Variants in PALB2 observed in about 807,000 individuals in gnomAD.
PALB2 encodes the protein mutant partner and localizer of BRCA2.
In PALB2, 82 loss-of-function variants were observed where a neutral mutation model predicts 107.4. That is an observed-to-expected ratio of 0.76 (90% CI 0.64 to 0.92). The LOEUF (loss-of-function observed/expected upper bound fraction) is 0.92, where lower values mean the gene tolerates loss of function less well. Among genes scored for constraint, PALB2 ranks in the 40% least tolerant of loss-of-function variants. PALB2 has a pLI of 0.00. For synonymous variants in PALB2, 489 were observed against 496.8 expected, an observed-to-expected ratio of 0.98 and a Z score of 0.21; for missense variants, 1,374 against 1,379.9, an observed-to-expected ratio of 1.00 and a Z score of 0.07.
chr16:23,637,014 C>T (rs1430689687), intron 3 of PALB2, among the ~76,000 whole-genome samples: 1 of 152,164 alleles, frequency 6.6e-6, no homozygotes, highest in African/African-American at 2.4e-5. Flanking sequence ...CTTTGGGAGG[C>T]TGAGGCAGGC....
intron 6 of PALB2, among the ~76,000 whole-genome samples, chr16:23,628,735 A>G (rs1208033114): frequency 6.6e-6 from 1 of 152,124 alleles, no homozygotes; most frequent in African/African-American, 2.4e-5. Context: ...TCCCAGTTCA[A>G]GTATTCTCTT....
At position 23,621,334 on chromosome 16, in the gene PALB2, G is replaced by A. The variant is rs145973806; in HGVS notation, c.3113+28C>T. 14 of 1,407,326 alleles carry A rather than the reference G, an allele frequency of 9.9e-6. No homozygotes were observed. The African/African-American group carries it at 1.6e-4, about 16-fold the overall frequency. The allele number at this position is 1,407,326 out of a possible 1,614,324, so 87.2% of individuals were successfully genotyped here. A position where few individuals can be genotyped will look rare whatever the true frequency, so the allele number is the denominator to read the frequency against. On this transcript the variant is annotated intron_variant, in intron 10 of 12. Coordinates refer to ENST00000261584, the MANE Select transcript of PALB2 (RefSeq NM_024675.4). ...GTATATCCTCATACTACAGATGAGG[G>A]AACTGAGGACCTAGAGGGAAAGCTT...
rs775141524 is a variant in PALB2, at chr16:23,636,080, TA to T, written c.465del (p.Phe155LeufsTer22). On this transcript the variant is annotated frameshift_variant, in exon 4 of 13. Coordinates refer to ENST00000261584, the MANE Select transcript of PALB2 (RefSeq NM_024675.4). LOFTEE classifies it high-confidence loss of function. ...AAGACACAGTCTCTCTCCTGTGAAA[TA>T]AATGTCCTCTTCTGCTGCTTCTTTC... ...SRRKKQQKRT[F>X]ISQERDCVFG... 1 of 1,614,064 alleles carries T rather than the reference TA, an allele frequency of 6.2e-7. No homozygotes were observed. Among genetic ancestry groups the T allele is most frequent in the South Asian group, 1.1e-5 (1 of 91,082 alleles).
chr16:23,638,718 T>TA (rs1266238817), intron 1 of PALB2: 3 of 352,198 alleles, frequency 8.5e-6, no homozygotes, highest in East Asian at 8.0e-5. Context: ...TTTTACAAGG[T>TA]AAAAAAATAC....
At chr16:23,631,093 G>A (rs1484932081) in intron 4 of PALB2, among the ~76,000 whole-genome samples, 25 of 140,316 alleles carry the variant, frequency 1.8e-4, no homozygotes, top group Admixed American at 1.2e-3. Flanking sequence ...GTGAAACCCC[G>A]TCTCTACTAA....
intron 9 of PALB2, 125 bp from the exon 10 acceptor site, chr16:23,621,603 A>G (rs1425389492): frequency 1.5e-6 from 1 of 687,652 alleles, no homozygotes; most frequent in African/African-American, 1.8e-5. Flanking sequence ...AATCTAACCC[A>G]GAAAACGTGT....
At position 23,629,768 on chromosome 16, in the gene PALB2, C is replaced by T. The variant is rs180177112; in HGVS notation, c.2386G>A (p.Gly796Arg). 6.2e-7 allele frequency: 1 copy of T among 1,614,192 alleles called. No individual in the cohort carries two copies. The highest frequency in any genetic ancestry group is 1.1e-5 in the South Asian group (1 of 91,078). Residue 796 changes from glycine to arginine, a missense_variant, in exon 5 of 13, where the codon GGA becomes AGA. Coordinates refer to ENST00000261584, the MANE Select transcript of PALB2 (RefSeq NM_024675.4). ...GAGTCACAGTCACAGGTAGGTTGTC[C>T]TTGCCTGCCTGACACTTGCAGGGTG... ...HTTLQVSGRQ[G>R]QPTCDCDSVP...
chr16:23,613,105 G>A (rs567233769), intron 11 of PALB2, among the ~76,000 whole-genome samples: 2 of 151,960 alleles, frequency 1.3e-5, no homozygotes, highest in African/African-American at 4.8e-5. Context: ...AATGATCAAG[G>A]CGGGGTATTT....
chr16:23,629,324 C>A, intron 5 of PALB2, 49 bp from the exon 6 acceptor site: 1 of 1,466,656 alleles, frequency 6.8e-7, no homozygotes. Context: ...TGTATAATGT[C>A]TGCCTGCATT....
chr16:23,608,614 C>T (rs1483136800), intron 11 of PALB2, among the ~76,000 whole-genome samples: 1 of 152,006 alleles, frequency 6.6e-6, no homozygotes, highest in African/African-American at 2.4e-5. Flanking sequence ...TACATGGTGG[C>T]TGGTTTCTCA....
intron 10 of PALB2, among the ~76,000 whole-genome samples, 179 bp from the exon 11 acceptor site, chr16:23,614,270 T>C (rs1966640386): frequency 6.6e-6 from 1 of 152,198 alleles, no homozygotes; most frequent in African/African-American, 2.4e-5. Flanking sequence ...ATTTTGCCAA[T>C]AGTTTCATTT....
At chr16:23,628,240 A>G (rs1966850797) in intron 6 of PALB2, among the ~76,000 whole-genome samples, 1 of 152,204 alleles carries the variant, frequency 6.6e-6, no homozygotes, top group African/African-American at 2.4e-5. Context: ...CAAAAAATAA[A>G]ATAAGTTATT....
At chr16:23,604,787 AT>A (rs766551140) in intron 12 of PALB2, among the ~76,000 whole-genome samples, 7 of 142,100 alleles carry the variant, frequency 4.9e-5, no homozygotes, top group Admixed American at 7.1e-5. Flanking sequence ...ATTAGCTGTT[AT>A]TGTGGCCAGG....
rs1555459577 is a variant in PALB2 at position 23,623,091 on chromosome 16, T to C, written c.2874A>G (p.Gln958=). The C allele has an allele frequency of 6.2e-7, 1 of 1,614,106 alleles. No homozygotes were observed. The part of the protein sequence containing the change: ...FCSSDDESEK[Q]VLLKSGNIKA... ...TTATATTTCCAGACTTCAGTAGTAC[T>C]TGCTTTTCACTTTCATCATCAGAGG... Residue 958 remains glutamine, a synonymous_variant, in exon 9 of 13, where the codon CAA becomes CAG. Transcript: ENST00000261584.
intron 4 of PALB2, among the ~76,000 whole-genome samples, chr16:23,633,058 C>T (rs115772601): frequency 3.3e-5 from 5 of 152,282 alleles, no homozygotes; most frequent in African/African-American, 1.2e-4. Flanking sequence ...AGCGCCACTG[C>T]ACCCTATCCG....
At chr16:23,616,093 T>C (rs956018367) in intron 10 of PALB2, among the ~76,000 whole-genome samples, 1 of 152,180 alleles carries the variant, frequency 6.6e-6, no homozygotes, top group Non-Finnish European at 1.5e-5. Flanking sequence ...AGCTATGCTT[T>C]CCAATGACCC....
chr16:23,634,189 C>T (rs969537060), intron 4 of PALB2, among the ~76,000 whole-genome samples: 3 of 152,138 alleles, frequency 2.0e-5, no homozygotes, highest in East Asian at 1.9e-4. Flanking sequence ...GGCACCATAC[C>T]GCCAGGTTTG....
chr16:23,623,501 CTTTTTTTTT>C (rs1189941589), intron 8 of PALB2, among the ~76,000 whole-genome samples: 2 of 62,550 alleles, frequency 3.2e-5, no homozygotes, highest in South Asian at 5.5e-4. Flanking sequence ...CATACCCGGC[CTTTTTTTTT>C]TTTTTTTTTT....
chr16:23,635,430 A>T lies in PALB2; in HGVS notation c.1116T>A (p.Ser372Arg), dbSNP rs752420158. ...LDGRNENLQE[S>R]EILSQPKSLS... ...GACTCTTAGGTTGACTTAGAATCTC[A>T]CTTTCCTGAAGATTTTCATTCCTGC... Residue 372 changes from serine to arginine, a missense_variant, in exon 4 of 13, where the codon AGT becomes AGA. Physicochemically the swap from Ser to Arg is moderately radical, Grantham distance 110. Transcript: ENST00000261584. The T allele has an allele frequency of 6.2e-7, 1 of 1,613,350 alleles. No individual in the cohort carries two copies. The highest frequency in any genetic ancestry group is 1.1e-5 in the South Asian group (1 of 91,060).
Sources: allele counts gnomAD v4.1 joint callset (sites outside exome capture counted in the v4.1 genomes callset), GRCh38; gene constraint gnomAD v4.1.1; transcripts MANE v1.5; gene names NCBI Gene and HGNC (gene_info 2026-07-23, HGNC 2026-07-21).